FBXW7: variants seen among roughly 807,000 people sequenced by gnomAD.
The protein encoded by FBXW7 is F-box/WD repeat-containing protein 7.
FBXW7 carries 11 observed loss-of-function variants against 86.3 expected under a neutral mutation model. The observed-to-expected ratio is 0.13, with a 90% confidence interval of 0.08 to 0.21. The LOEUF is 0.21. Ranked by LOEUF, FBXW7 falls within the 10% of genes least tolerant of loss-of-function variation. The pLI is 1.00. For synonymous variants in FBXW7, 313 were observed against 297.9 expected (o/e 1.05, Z -0.52); for missense variants, 488 against 847.4 (o/e 0.58, Z 5.27).
Position 152,522,951 on chromosome 4 carries a change from C to T in FBXW7, c.-120+11990G>A, listed in dbSNP as rs1749159213. Among the ~76,000 whole-genome samples the T allele has an allele frequency of 2.0e-5, 3 of 152,282 alleles. No homozygotes were observed. In the South Asian group the frequency reaches 6.2e-4, roughly 32 times the overall value. On this transcript the variant is annotated intron_variant, in intron 2 of 13. Transcript: ENST00000281708. The stretch of plus-strand genomic sequence containing the variant: ...CACTGTTGAGCTCTACCACTAATGA[C>T]CCAGCATTTATCATCTGACACTTGA...
intron 2 of FBXW7, among the ~76,000 whole-genome samples, chr4:152,478,440 A>G (rs1432501759): frequency 1.3e-5 from 2 of 152,122 alleles, no homozygotes; most frequent in Non-Finnish European, 2.9e-5. Context: ...TACTATATGT[A>G]TAAACACATT....
chr4:152,466,764 C>A (rs141846722), intron 2 of FBXW7, among the ~76,000 whole-genome samples: 1,554 of 151,768 alleles, frequency 0.01, 19 homozygotes, highest in East Asian at 0.042. Context: ...AACATGGTGA[C>A]ATGCCATCTC....
chr4:152,495,171 G>C (rs78939991), intron 2 of FBXW7, among the ~76,000 whole-genome samples: 2,085 of 152,204 alleles, frequency 0.014, 26 homozygotes, highest in Middle Eastern at 0.037. Flanking sequence ...GGTGACTCAC[G>C]TCTGTAATCC....
At chr4:152,499,484 CA>C (rs1384855975) in intron 2 of FBXW7, among the ~76,000 whole-genome samples, 2 of 152,140 alleles carry the variant, frequency 1.3e-5, no homozygotes, top group African/African-American at 4.8e-5. Flanking sequence ...TCAAGATCCT[CA>C]AACCTGACAG....
chr4:152,369,354 T>A (rs1293956497), intron 4 of FBXW7, among the ~76,000 whole-genome samples: 1 of 152,066 alleles, frequency 6.6e-6, no homozygotes, highest in Non-Finnish European at 1.5e-5. Flanking sequence ...GACCCTATAA[T>A]CCGCGCTCTT....
intron 2 of FBXW7, among the ~76,000 whole-genome samples, chr4:152,439,493 C>A (rs528543924): frequency 6.6e-6 from 1 of 152,224 alleles, no homozygotes; most frequent in South Asian, 2.1e-4. Flanking sequence ...AACCGATTTT[C>A]AGGGCCCGAT....
chr4:152,495,191 G>A (rs1031705001), intron 2 of FBXW7, among the ~76,000 whole-genome samples: 7 of 152,134 alleles, frequency 4.6e-5, no homozygotes, highest in African/African-American at 7.2e-5. Context: ...CTAGCACTTT[G>A]GGAGGCCAAG....
At chr4:152,420,264 C>T (rs1252162101) in intron 2 of FBXW7, among the ~76,000 whole-genome samples, 1 of 152,110 alleles carries the variant, frequency 6.6e-6, no homozygotes, top group Non-Finnish European at 1.5e-5. Context: ...CAAATTTTAT[C>T]TTGAGATTTC....
intron 4 of FBXW7, among the ~76,000 whole-genome samples, chr4:152,393,866 TA>T (rs1736196158): frequency 6.6e-6 from 1 of 152,120 alleles, no homozygotes; most frequent in Non-Finnish European, 1.5e-5. Context: ...TACGTTTGAA[TA>T]AAACAGACCC....
intron 2 of FBXW7, among the ~76,000 whole-genome samples, chr4:152,519,813 T>G (rs1748839225): frequency 6.6e-6 from 1 of 152,218 alleles, no homozygotes; most frequent in South Asian, 2.1e-4. Flanking sequence ...AGAGACAGCA[T>G]GCATGATTAA....
chr4:152,336,449 T>C (rs1212732126), intron 7 of FBXW7, among the ~76,000 whole-genome samples: 1 of 152,020 alleles, frequency 6.6e-6, no homozygotes, highest in Non-Finnish European at 1.5e-5. Flanking sequence ...AATGAGACTA[T>C]GAGAAAGCCT....
intron 2 of FBXW7, among the ~76,000 whole-genome samples, chr4:152,421,231 C>T (rs376590169): frequency 6.6e-6 from 1 of 152,160 alleles, no homozygotes; most frequent in Admixed American, 6.5e-5. Context: ...CCCCTCTTAC[C>T]CTTCATAGAA....
At chr4:152,377,416 T>C (rs1000336679) in intron 4 of FBXW7, among the ~76,000 whole-genome samples, 8 of 152,152 alleles carry the variant, frequency 5.3e-5, no homozygotes, top group Middle Eastern at 3.2e-3. Context: ...AATACCATTA[T>C]TATACATTTA....
At chr4:152,486,918 C>T (rs1453528514) in intron 2 of FBXW7, among the ~76,000 whole-genome samples, 1 of 152,096 alleles carries the variant, frequency 6.6e-6, no homozygotes, top group African/African-American at 2.4e-5. Context: ...TTAGTCCTAA[C>T]ATGTTATAAC....
chr4:152,481,860 AT>A (rs1167010214), intron 2 of FBXW7, among the ~76,000 whole-genome samples: 2 of 152,208 alleles, frequency 1.3e-5, no homozygotes, highest in East Asian at 3.8e-4. Flanking sequence ...AAAGAAAGTG[AT>A]TTCTTTAGAT....
chr4:152,398,849 A>G (rs1239112330), intron 4 of FBXW7, among the ~76,000 whole-genome samples: 1 of 152,140 alleles, frequency 6.6e-6, no homozygotes, highest in African/African-American at 2.4e-5. Context: ...AGCAGAAAAG[A>G]ATCTCACTAA....
intron 2 of FBXW7, among the ~76,000 whole-genome samples, chr4:152,503,791 T>C (rs7665772): frequency 5.3e-4 from 81 of 152,292 alleles, no homozygotes; most frequent in African/African-American, 1.8e-3. Context: ...CAAAAATTGA[T>C]GTTTCTCCTA....
At chr4:152,528,971 C>T (rs982730839) in intron 2 of FBXW7, among the ~76,000 whole-genome samples, 2 of 151,882 alleles carry the variant, frequency 1.3e-5, no homozygotes, top group Non-Finnish European at 2.9e-5. Flanking sequence ...CATTTTCCCC[C>T]ATTATACTTA....
At chr4:152,442,331 G>C (rs916815060) in intron 2 of FBXW7, among the ~76,000 whole-genome samples, 1 of 152,152 alleles carries the variant, frequency 6.6e-6, no homozygotes, top group East Asian at 1.9e-4. Context: ...TCCTAGGCTG[G>C]TAGCAAAAAC....
Sources: allele counts gnomAD v4.1 joint callset (sites outside exome capture counted in the v4.1 genomes callset), GRCh38; gene constraint gnomAD v4.1.1; transcripts MANE v1.5; gene names NCBI Gene and HGNC (gene_info 2026-07-23, HGNC 2026-07-21).